Variants in HMG20A observed in about 807,000 individuals in gnomAD.
HMG20A encodes the protein high mobility group protein 20A.
A neutral mutation model predicts 43.9 loss-of-function variants in HMG20A; 17 were observed. The ratio of observed to expected loss-of-function variants is 0.39; its 90% CI spans 0.27 to 0.58. The LOEUF is 0.58. HMG20A is among the 20% of genes least tolerant of loss of function. HMG20A has a pLI of 0.59. For missense variants in HMG20A, 341 were observed against 438.2 expected (o/e 0.78, Z 1.98); for synonymous variants, 132 against 147.5 (o/e 0.89, Z 0.76).
At chr15:77,442,593 A>G (rs1037343379) in intron 1 of HMG20A, among the ~76,000 whole-genome samples, 3 of 152,238 alleles carry the variant, frequency 2.0e-5, no homozygotes, top group South Asian at 2.1e-4. Flanking sequence ...CCTGCTAGAC[A>G]TGCGTACTCT....
chr15:77,464,114 T>G, intron 2 of HMG20A, 126 bp from the exon 3 acceptor site: 1 of 1,070,178 alleles, frequency 9.3e-7, no homozygotes, highest in East Asian at 2.6e-5. Context: ...TTGTTTACAT[T>G]TATACAGATT....
the HMG20A span, among the ~76,000 whole-genome samples, chr15:77,497,418 G>A: frequency 1.1e-4 from 16 of 152,224 alleles, no homozygotes; most frequent in Admixed American, 1.3e-4. Context: ...GCAGCTTCTG[G>A]AGGCCTGGCT....
chr15:77,444,382 C>T (rs2073650138), intron 1 of HMG20A, among the ~76,000 whole-genome samples: 1 of 152,102 alleles, frequency 6.6e-6, no homozygotes, highest in East Asian at 1.9e-4. Flanking sequence ...GCTAAGTGAA[C>T]CCTTGAACAG....
At chr15:77,441,194 A>G (rs1261736030) in intron 1 of HMG20A, among the ~76,000 whole-genome samples, 1 of 152,122 alleles carries the variant, frequency 6.6e-6, no homozygotes, top group African/African-American at 2.4e-5. Flanking sequence ...TAGCTTGCCC[A>G]AGTTCCACAG....
chr15:77,464,445 C>T, intron 3 of HMG20A, 58 bp downstream of exon 3: 1 of 1,570,650 alleles, frequency 6.4e-7, no homozygotes, highest in Non-Finnish European at 8.7e-7. Flanking sequence ...GAAGCAGTCA[C>T]AAGGAAGGTG....
chr15:77,514,924 G>A, the HMG20A span, among the ~76,000 whole-genome samples: 5 of 152,212 alleles, frequency 3.3e-5, no homozygotes, highest in Admixed American at 2.6e-4. Flanking sequence ...AGAATTGTCA[G>A]GTTGATGATA....
the HMG20A span, among the ~76,000 whole-genome samples, chr15:77,516,934 G>A: frequency 6.6e-6 from 1 of 152,190 alleles, no homozygotes; most frequent in Non-Finnish European, 1.5e-5. Context: ...GGAGGCTGCT[G>A]TGATAGGCCG....
chr15:77,452,733 A>G (rs2072615652), intron 1 of HMG20A, among the ~76,000 whole-genome samples: 1 of 152,194 alleles, frequency 6.6e-6, no homozygotes, highest in South Asian at 2.1e-4. Context: ...ACAAGCAACC[A>G]AAGAAAAAAA....
At chr15:77,486,763 G>A (rs966088112), downstream of HMG20A, among the ~76,000 whole-genome samples, 1 of 152,144 alleles carries the variant, frequency 6.6e-6, no homozygotes, top group African/African-American at 2.4e-5. Flanking sequence ...ACGTGCCTCA[G>A]CAATCCTGTA....
chr15:77,422,845 G>A (rs149256708), intron 1 of HMG20A, among the ~76,000 whole-genome samples: 16 of 152,208 alleles, frequency 1.1e-4, no homozygotes, highest in Non-Finnish European at 2.2e-4. Flanking sequence ...GTTATTAATA[G>A]GTTAGGAACA....
chr15:77,519,360 A>G, the HMG20A span, among the ~76,000 whole-genome samples: 1 of 152,216 alleles, frequency 6.6e-6, no homozygotes, highest in Non-Finnish European at 1.5e-5. Context: ...AACGCAGGCC[A>G]AGGGTTATTG....
chr15:77,479,567 G>C (rs1009409085), intron 9 of HMG20A: 1 of 371,310 alleles, frequency 2.7e-6, no homozygotes, highest in South Asian at 4.5e-5. Flanking sequence ...CAAGTCCAGA[G>C]AGATCCTGTC....
chr15:77,477,617 G>A lies in HMG20A; in HGVS notation c.678G>A (p.Leu226=). ...FDIPIFTEEF[L]NHSKAREAEL... ...TCCCTATATTTACAGAGGAATTCTT[G>A]AACCATAGCAAAGGTGATTACTGAA... is the stretch of plus-strand genomic sequence containing the variant. The change falls in exon 7 of 10, where the codon TTG becomes TTA. Residue 226 remains leucine, a synonymous_variant. Coordinates refer to ENST00000336216, the MANE Select transcript of HMG20A (RefSeq NM_001304504.2). The A allele has an allele frequency of 6.2e-7, 1 of 1,609,562 alleles. No individual in the cohort carries two copies.
intron 1 of HMG20A, among the ~76,000 whole-genome samples, chr15:77,447,266 G>C (rs967499177): frequency 2.6e-5 from 4 of 152,200 alleles, no homozygotes; most frequent in Non-Finnish European, 5.9e-5. Context: ...GAGGTGGACT[G>C]TGACCTCAAA....
chr15:77,485,881 G>A (rs1475147971), downstream of HMG20A, among the ~76,000 whole-genome samples: 1 of 152,200 alleles, frequency 6.6e-6, no homozygotes. Flanking sequence ...GCAGTGAGCC[G>A]AGATCGTGCC....
chr15:77,467,051 G>A, intron 3 of HMG20A, 44 bp from the exon 4 acceptor site: 2 of 1,510,110 alleles, frequency 1.3e-6, no homozygotes, highest in South Asian at 2.3e-5. Context: ...TTGGGAGATG[G>A]TTGTTGTTTG....
intron 1 of HMG20A, among the ~76,000 whole-genome samples, chr15:77,432,063 C>G (rs1014165477): frequency 6.6e-6 from 1 of 152,170 alleles, no homozygotes; most frequent in African/African-American, 2.4e-5. Context: ...CATATCTTGG[C>G]TATTGTGAAT....
chr15:77,472,996 T>C (rs1016024808), intron 6 of HMG20A, among the ~76,000 whole-genome samples: 1 of 152,226 alleles, frequency 6.6e-6, no homozygotes, highest in Non-Finnish European at 1.5e-5. Flanking sequence ...TATTCAAAGT[T>C]GACCTGAAAT....
At chr15:77,480,837 A>G (rs1451767875) in intron 9 of HMG20A, among the ~76,000 whole-genome samples, 1 of 151,164 alleles carries the variant, frequency 6.6e-6, no homozygotes, top group African/African-American at 2.4e-5. Context: ...ATACCCCTTT[A>G]CTATGCCATC....
Sources: gnomAD v4.1 joint callset for allele counts (sites outside exome capture counted in the v4.1 genomes callset) on GRCh38, gnomAD v4.1.1 for gene constraint, MANE v1.5 for transcripts, NCBI Gene and HGNC (gene_info 2026-07-23, HGNC 2026-07-21) for gene names.